CERS3: variants seen among roughly 807,000 people sequenced by gnomAD.
The protein encoded by CERS3 is LAG1 homolog, ceramide synthase 3.
A neutral mutation model predicts 50.3 loss-of-function variants in CERS3; 33 were observed. The observed-to-expected ratio is 0.66, with a 90% CI of 0.50 to 0.88. The LOEUF (loss-of-function observed/expected upper bound fraction) is 0.88. CERS3 is among the 40% of genes least tolerant of loss of function. The pLI is 0.00. For synonymous variants in CERS3, 176 were observed against 155.2 expected (o/e 1.13, Z -0.99); for missense variants, 470 against 460.3 (o/e 1.02, Z -0.19).
At chr15:100,481,714 G>A (rs1236741198) in intron 5 of CERS3, among the ~76,000 whole-genome samples, 3 of 152,230 alleles carry the variant, frequency 2.0e-5, no homozygotes, top group South Asian at 2.1e-4. Context: ...TTGAAGCTAA[G>A]AAAGATCATA....
intron 3 of CERS3, among the ~76,000 whole-genome samples, chr15:100,492,441 A>G (rs896731130): frequency 1.3e-5 from 2 of 152,140 alleles, no homozygotes; most frequent in African/African-American, 4.8e-5. Flanking sequence ...TTACCCTTTT[A>G]TTATTATAAA....
chr15:100,452,039 C>T (rs1226064079), intron 11 of CERS3, among the ~76,000 whole-genome samples: 3 of 152,144 alleles, frequency 2.0e-5, no homozygotes, highest in Admixed American at 2.0e-4. Flanking sequence ...GAGACTTCAA[C>T]ACCCTCCTAT....
chr15:100,524,472 C>A (rs2036730080), intron 1 of CERS3, among the ~76,000 whole-genome samples: 1 of 152,178 alleles, frequency 6.6e-6, no homozygotes, highest in Admixed American at 6.5e-5. Context: ...TAAGGCGGAT[C>A]TCTGTTGGAA....
chr15:100,490,901 A>T lies in CERS3; in HGVS notation c.204T>A (p.Phe68Leu). The T allele has an allele frequency of 6.2e-7, 1 of 1,604,150 alleles. No individual in the cohort carries two copies. Among genetic ancestry groups the T allele is most frequent in the Non-Finnish European group, 8.5e-7 (1 of 1,176,820 alleles). The change falls in exon 4 of 12, where the codon TTT (phenylalanine) becomes TTA (leucine). Residue 68 changes from phenylalanine to leucine, a missense_variant. Coordinates refer to ENST00000679737, the MANE Select transcript of CERS3 (RefSeq NM_001378789.1). The part of the protein sequence containing the change: ...KFVASPLAKS[F>L]GIKETVRKVT... ...CCTTTCGAACTGTCTCTTTAATGCC[A>T]AATGATTTTGCTAGAGGTGAAGCAA...
rs2033139967 is a variant in CERS3 at position 100,431,652 on chromosome 15, C to A, written c.999+24241G>T. On this transcript the variant is annotated intron_variant, in intron 11 of 11. Transcript: ENST00000679737. Reference sequence around the variant, plus strand: ...ACATTTTTCCAGTGGGGAGAAGACACATGCAGCTGGTTTTCTCTGCTTAAT... The same window carrying A: ...ACATTTTTCCAGTGGGGAGAAGACAAATGCAGCTGGTTTTCTCTGCTTAAT... Among the ~76,000 whole-genome samples the A allele has an allele frequency of 2.6e-5, 4 of 152,216 alleles. No homozygotes were observed. In the South Asian group the frequency reaches 8.3e-4, roughly 32 times the overall value.
At chr15:100,508,320 GT>G (rs200278123) in intron 2 of CERS3, among the ~76,000 whole-genome samples, 5 of 151,946 alleles carry the variant, frequency 3.3e-5, no homozygotes, top group Non-Finnish European at 7.4e-5. Context: ...GCTTAAGGTG[GT>G]TTTTTTCCGT....
At chr15:100,482,195 A>G (rs1404530002) in intron 5 of CERS3, among the ~76,000 whole-genome samples, 1 of 152,264 alleles carries the variant, frequency 6.6e-6, no homozygotes, top group African/African-American at 2.4e-5. Flanking sequence ...AGTTTCACCT[A>G]AGAGTAAAAC....
intron 4 of CERS3, among the ~76,000 whole-genome samples, chr15:100,489,055 G>T (rs1003111674): frequency 2.0e-5 from 3 of 152,186 alleles, no homozygotes; most frequent in Non-Finnish European, 4.4e-5. Context: ...GATTACAGGC[G>T]TAAGCCACTG....
intron 10 of CERS3, among the ~76,000 whole-genome samples, chr15:100,458,009 A>G (rs2034431827): frequency 9.0e-6 from 1 of 111,158 alleles, no homozygotes; most frequent in Non-Finnish European, 2.2e-5. Flanking sequence ...TTACTGTTTT[A>G]AGGTGTACAT....
intron 5 of CERS3, 141 bp from the exon 6 acceptor site, chr15:100,480,187 A>ACTT (rs2035256163): frequency 1.2e-5 from 8 of 657,188 alleles, no homozygotes; most frequent in Middle Eastern, 5.4e-4. Context: ...GCTCTGCCCC[A>ACTT]CTTATTAGAT....
At chr15:100,518,970 T>C (rs2036567781) in intron 2 of CERS3, among the ~76,000 whole-genome samples, 1 of 152,186 alleles carries the variant, frequency 6.6e-6, no homozygotes, top group Non-Finnish European at 1.5e-5. Context: ...GAGACCAGCC[T>C]GACCAACATG....
chr15:100,493,612 A>G lies in CERS3; in HGVS notation c.174-2681T>C, dbSNP rs889601647. 1.9e-4 allele frequency among the ~76,000 whole-genome samples: 29 copies of G among 152,062 alleles called. 1 individual carries two copies. The highest frequency in any genetic ancestry group is 5.9e-5 in the Non-Finnish European group (4 of 68,006). On this transcript the variant is annotated intron_variant, in intron 3 of 11. Coordinates refer to ENST00000679737, the MANE Select transcript of CERS3 (RefSeq NM_001378789.1). ...AATTTTCGGCCATTTATTTCTTCAC[A>G]TTTTTGGGGTCCTATTTATTCTCTT... is the stretch of plus-strand genomic sequence containing the variant.
intron 4 of CERS3, among the ~76,000 whole-genome samples, chr15:100,486,304 C>T (rs2035480593): frequency 6.6e-6 from 1 of 152,142 alleles, no homozygotes; most frequent in Non-Finnish European, 1.5e-5. Flanking sequence ...TCAAAGCAAT[C>T]GGATATGGTA....
chr15:100,510,166 T>G (rs2036298589), intron 2 of CERS3, among the ~76,000 whole-genome samples: 1 of 152,128 alleles, frequency 6.6e-6, no homozygotes, highest in Non-Finnish European at 1.5e-5. Flanking sequence ...CCATTTCACA[T>G]GAAGAAGACA....
chr15:100,461,936 C>G (rs112985062), intron 10 of CERS3, among the ~76,000 whole-genome samples: 30 of 152,266 alleles, frequency 2.0e-4, no homozygotes, highest in Middle Eastern at 3.4e-3. Flanking sequence ...AAAGGATGGT[C>G]TAGTCTCTCA....
chr15:100,524,301 A>C, intron 1 of CERS3, among the ~76,000 whole-genome samples: 1 of 152,234 alleles, frequency 6.6e-6, no homozygotes, highest in East Asian at 1.9e-4. Context: ...AGTATTTCTT[A>C]CTAACAGTAA....
chr15:100,442,737 A>G (rs1252847860), intron 11 of CERS3, among the ~76,000 whole-genome samples: 1 of 152,194 alleles, frequency 6.6e-6, no homozygotes, highest in African/African-American at 2.4e-5. Flanking sequence ...TCCTTCCCAG[A>G]TCTTCTCGGC....
intron 11 of CERS3, among the ~76,000 whole-genome samples, chr15:100,416,290 G>GAAACAATGGAACAGATT (rs2031900123): frequency 1.3e-5 from 2 of 152,110 alleles, no homozygotes; most frequent in Admixed American, 6.5e-5. Flanking sequence ...AGCAGACACA[G>GAAACAATGGAACAGATT]AAACAATGGA....
intron 1 of CERS3, among the ~76,000 whole-genome samples, chr15:100,525,133 C>T (rs1253184140): frequency 2.0e-5 from 3 of 152,160 alleles, no homozygotes; most frequent in African/African-American, 7.2e-5. Flanking sequence ...CACATACACA[C>T]ATGTGTATGA....
Sources: gnomAD v4.1 joint callset for allele counts (sites outside exome capture counted in the v4.1 genomes callset) on GRCh38, gnomAD v4.1.1 for gene constraint, MANE v1.5 for transcripts, NCBI Gene and HGNC (gene_info 2026-07-23, HGNC 2026-07-21) for gene names.